The following STON2 variants were observed in gnomAD, a reference collection of about 807,000 sequenced individuals.
STON2 encodes the protein stonin 2, also known as stonin-2.
STON2 carries 29 observed loss-of-function variants against 65.7 expected under a neutral mutation model. The ratio of observed to expected loss-of-function variants is 0.44; its 90% CI spans 0.33 to 0.60. The LOEUF is 0.60. Among genes scored for constraint, STON2 ranks in the 20% least tolerant of loss-of-function variants. STON2 has a pLI of 0.03. For synonymous variants in STON2, 404 were observed against 414.2 expected, an observed-to-expected ratio of 0.98 and a Z score of 0.30; for missense variants, 1,054 against 1,118.1, an observed-to-expected ratio of 0.94 and a Z score of 0.82.
chr14:81,422,722 G>T (rs1901765742), intron 2 of STON2, among the ~76,000 whole-genome samples: 1 of 152,100 alleles, frequency 6.6e-6, no homozygotes, highest in African/African-American at 2.4e-5. Context: ...ACGGGTTTCT[G>T]TGGGTCCACC....
At chr14:81,315,297 T>A (rs937377350) in intron 5 of STON2, among the ~76,000 whole-genome samples, 2 of 152,180 alleles carry the variant, frequency 1.3e-5, no homozygotes, top group African/African-American at 4.8e-5. Context: ...AAAACCTCAA[T>A]TCCTTCCTCA....
At chr14:81,430,407 C>G (rs1413372173) in intron 1 of STON2, among the ~76,000 whole-genome samples, 1 of 152,186 alleles carries the variant, frequency 6.6e-6, no homozygotes, top group East Asian at 1.9e-4. Context: ...TTCAGATGAA[C>G]ATAACTCCCA....
chr14:81,308,805 T>TAC (rs1896293299), intron 5 of STON2, among the ~76,000 whole-genome samples: 1 of 19,386 alleles, frequency 5.2e-5, no homozygotes. Flanking sequence ...TATATATATA[T>TAC]ATATATATAT....
chr14:81,298,417 G>GT (rs1555396826), intron 5 of STON2, among the ~76,000 whole-genome samples: 14 of 39,334 alleles, frequency 3.6e-4, no homozygotes, highest in South Asian at 8.3e-4. Context: ...CTTCAGATGG[G>GT]GGGGGGGAAT....
chr14:81,425,653 A>T (rs1326688410), intron 2 of STON2, among the ~76,000 whole-genome samples: 1 of 152,078 alleles, frequency 6.6e-6, no homozygotes, highest in Non-Finnish European at 1.5e-5. Context: ...GGTGGCAAAG[A>T]GCAAACATGA....
intron 2 of STON2, chr14:81,412,915 A>T: frequency 1.5e-6 from 1 of 661,738 alleles, no homozygotes; most frequent in South Asian, 2.0e-5. Context: ...GGCGATGCTT[A>T]GCACCTCCCC....
chr14:81,380,781 C>T (rs8021742), intron 3 of STON2, among the ~76,000 whole-genome samples: 73,686 of 151,796 alleles, frequency 0.49, 18,397 homozygotes, highest in East Asian at 0.73. Flanking sequence ...TAAGTACACA[C>T]AGAAATAAAG....
intron 4 of STON2, among the ~76,000 whole-genome samples, chr14:81,333,802 T>C (rs1013604047): frequency 2.0e-5 from 3 of 152,062 alleles, no homozygotes; most frequent in Non-Finnish European, 2.9e-5. Flanking sequence ...TGAACAGCTA[T>C]AGTTATATTT....
Position 81,278,246 on chromosome 14 carries a change from T to C in STON2, c.1236A>G (p.Gln412=). The C allele has an allele frequency of 1.2e-6, 2 of 1,614,182 alleles. No homozygotes were observed. The highest frequency in any genetic ancestry group is 1.1e-5 in the South Asian group (1 of 91,088). ...SSISSTTGKS[Q]RDSLIVIYQD... is the part of the protein sequence containing the mutation. Reference sequence around the variant, plus strand: ...GGTAGATGACAATGAGGGAATCTCTTTGGCTTTTGCCCGTGGTACTGGAAA... The same window carrying C: ...GGTAGATGACAATGAGGGAATCTCTCTGGCTTTTGCCCGTGGTACTGGAAA... Residue 412 remains glutamine, a synonymous_variant, in exon 6 of 8, where the codon CAA becomes CAG. Coordinates refer to ENST00000614646, the MANE Select transcript of STON2 (RefSeq NM_001394390.1).
intron 5 of STON2, among the ~76,000 whole-genome samples, chr14:81,299,612 T>C (rs551323164): frequency 6.6e-6 from 1 of 152,290 alleles, no homozygotes; most frequent in East Asian, 1.9e-4. Flanking sequence ...GTAAAAATAA[T>C]TGTAAAACTG....
chr14:81,427,715 GA>G (rs1162595135), intron 1 of STON2, among the ~76,000 whole-genome samples: 57 of 145,000 alleles, frequency 3.9e-4, no homozygotes, highest in East Asian at 7.9e-4. Flanking sequence ...GATGAGATGG[GA>G]AAAAAAAAAA....
chr14:81,381,260 G>T (rs1023799419), intron 3 of STON2, among the ~76,000 whole-genome samples: 1 of 152,076 alleles, frequency 6.6e-6, no homozygotes, highest in African/African-American at 2.4e-5. Context: ...ATAGCCAAAT[G>T]CATTCATGAC....
chr14:81,342,519 G>A (rs1433345931), intron 4 of STON2, among the ~76,000 whole-genome samples: 1 of 152,160 alleles, frequency 6.6e-6, no homozygotes, highest in Non-Finnish European at 1.5e-5. Flanking sequence ...CTGGCCTGAG[G>A]CCTGCTCCCT....
chr14:81,405,898 T>A (rs1368381845), intron 2 of STON2, among the ~76,000 whole-genome samples: 1 of 152,202 alleles, frequency 6.6e-6, no homozygotes, highest in Non-Finnish European at 1.5e-5. Context: ...AGACTCACTC[T>A]CAATCTGGGT....
intron 1 of STON2, among the ~76,000 whole-genome samples, chr14:81,431,896 G>A (rs948917370): frequency 1.3e-5 from 2 of 152,020 alleles, no homozygotes; most frequent in Non-Finnish European, 2.9e-5. Context: ...GGCAAGCTTA[G>A]ATCACACCAC....
chr14:81,382,783 T>C (rs1346592263), intron 3 of STON2, among the ~76,000 whole-genome samples: 1 of 152,258 alleles, frequency 6.6e-6, no homozygotes, highest in East Asian at 1.9e-4. Context: ...TTTCACTTAA[T>C]GGTATTTGCA....
At chr14:81,425,422 A>G (rs2139912615) in intron 2 of STON2, among the ~76,000 whole-genome samples, 1 of 152,202 alleles carries the variant, frequency 6.6e-6, no homozygotes, top group South Asian at 2.1e-4. Flanking sequence ...CCAACACAAA[A>G]TTAGCTGGGC....
At chr14:81,406,002 T>C (rs1900840109) in intron 2 of STON2, among the ~76,000 whole-genome samples, 1 of 152,158 alleles carries the variant, frequency 6.6e-6, no homozygotes, top group Admixed American at 6.5e-5. Flanking sequence ...GCCTTCATCT[T>C]TCTCCCATGC....
rs140531013 is a variant in STON2 at position 81,430,229 on chromosome 14, T to C, written c.-309-3017A>G. Reference sequence around the variant, plus strand: ...CAGCACTTGACAGCCCACTGGATTATTTGCCTACTGTTGGTCTCGCTGTGG... The same window carrying C: ...CAGCACTTGACAGCCCACTGGATTACTTGCCTACTGTTGGTCTCGCTGTGG... On this transcript the variant is annotated intron_variant, in intron 1 of 8. Coordinates refer to the STON2 transcript ENST00000553821. Among the ~76,000 whole-genome samples, 628 of 152,336 alleles carry C rather than the reference T, an allele frequency of 4.1e-3. 4 individuals carry two copies. Among genetic ancestry groups the C allele is most frequent in the African/African-American group, 0.015 (603 of 41,576 alleles).
Sources: gnomAD v4.1 joint callset for allele counts (sites outside exome capture counted in the v4.1 genomes callset) on GRCh38, gnomAD v4.1.1 for gene constraint, MANE v1.5 for transcripts, NCBI Gene and HGNC (gene_info 2026-07-23, HGNC 2026-07-21) for gene names.